Variants in FAT3 observed in about 807,000 individuals in gnomAD.
FAT3 encodes the protein protocadherin Fat 3.
FAT3 carries 95 observed loss-of-function variants against 310.2 expected under a neutral mutation model. The observed-to-expected ratio is 0.31, with a 90% CI of 0.26 to 0.36. The LOEUF (loss-of-function observed/expected upper bound fraction) is 0.36. FAT3 is among the 10% of genes least tolerant of loss of function. FAT3 has a pLI of 1.00. For synonymous variants in FAT3, 2,314 were observed against 2,192.9 expected (o/e 1.06, Z -1.54); for missense variants, 5,408 against 5,715.6 (o/e 0.95, Z 1.74).
At chr11:92,291,276 T>G (rs1946686996) in intron 1 of FAT3, among the ~76,000 whole-genome samples, 1 of 152,040 alleles carries the variant, frequency 6.6e-6, no homozygotes, top group African/African-American at 2.4e-5. Context: ...GTTGGAGGGG[T>G]TGATGCTTTA....
chr11:92,750,510 A>G (rs1365699274), intron 4 of FAT3, among the ~76,000 whole-genome samples: 1 of 152,236 alleles, frequency 6.6e-6, no homozygotes, highest in Non-Finnish European at 1.5e-5. Context: ...CTTTATAGAC[A>G]GAAAATGGCT....
At position 92,571,146 on chromosome 11, in the gene FAT3, C is replaced by A. The variant is rs1356145757; in HGVS notation, c.3607+46198C>A. On this transcript the variant is annotated intron_variant, in intron 3 of 27. Coordinates refer to ENST00000525166, the MANE Select transcript of FAT3 (RefSeq NM_001367949.2). ...TAGAAATATGATCATTTTAGAGATC[C>A]TAAAGAGAGCCTAAATATGAAGAAT... 2.0e-5 allele frequency among the ~76,000 whole-genome samples: 3 copies of A among 151,980 alleles called. No individual in the cohort carries two copies. In the East Asian group the frequency reaches 5.8e-4, roughly 29 times the overall value.
At chr11:92,524,998 A>C (rs747787908) in intron 3 of FAT3, 50 bp downstream of exon 3, 2 of 1,426,700 alleles carry the variant, frequency 1.4e-6, no homozygotes, top group Non-Finnish European at 2.0e-6. Flanking sequence ...CCAGCCTTTA[A>C]ATTCATCAGC....
At chr11:92,680,459 T>C (rs1356381375) in intron 3 of FAT3, among the ~76,000 whole-genome samples, 1 of 152,264 alleles carries the variant, frequency 6.6e-6, no homozygotes, top group Non-Finnish European at 1.5e-5. Context: ...TCTGGTCCAT[T>C]GATCTATGTG....
intron 1 of FAT3, among the ~76,000 whole-genome samples, chr11:92,241,299 C>A (rs2134252761): frequency 6.6e-6 from 1 of 152,198 alleles, no homozygotes; most frequent in East Asian, 1.9e-4. Flanking sequence ...GATCTCCTTG[C>A]AACTCTCTTT....
chr11:92,670,431 G>C (rs113992497), intron 3 of FAT3, among the ~76,000 whole-genome samples: 2 of 152,078 alleles, frequency 1.3e-5, no homozygotes, highest in African/African-American at 4.8e-5. Context: ...CTGCAACTGC[G>C]TTACATGTTT....
Position 92,880,677 on chromosome 11 carries a change from G to A in FAT3, c.12128-54G>A, listed in dbSNP as rs1949653049. 1.9e-6 allele frequency: 3 copies of A among 1,567,622 alleles called. No individual in the cohort carries two copies. The African/African-American group carries it at 4.1e-5, about 21-fold the overall frequency. On this transcript the variant is annotated intron_variant, in intron 22 of 27. Transcript: ENST00000525166. ...GAGGACATGTTATAGCTGAGTCCAA[G>A]CACTCAGCCCTAGCAGTGGCATCCA...
At position 92,810,038 on chromosome 11, in the gene FAT3, C is replaced by T; in HGVS notation, c.9443C>T (p.Ala3148Val). 2 of 1,613,950 alleles carry T rather than the reference C, an allele frequency of 1.2e-6. No individual in the cohort carries two copies. Among genetic ancestry groups the T allele is most frequent in the East Asian group, 2.2e-5 (1 of 44,872 alleles). The change falls in exon 13 of 28, where the codon GCT (alanine) becomes GTT (valine). Residue 3148 changes from alanine (A) to valine (V), a missense_variant. Around this residue, in one of 5 missense-constraint regions of FAT3, gnomAD observed 4,588 missense variants for 4,809.8 expected, o/e 0.95. Coordinates refer to ENST00000525166, the MANE Select transcript of FAT3 (RefSeq NM_001367949.2). The stretch of plus-strand genomic sequence containing the variant: ...GTCTATGAGAACACAGCCACCAAGG[C>T]TCTGTTGACCAGAGTTCAAGCCGTG... ...TCVYENTATKALLTRVQAVDP... is the reference protein window; with the variant it reads ...TCVYENTATKVLLTRVQAVDP...
chr11:92,422,582 G>A (rs1416891287), intron 2 of FAT3, among the ~76,000 whole-genome samples: 1 of 152,162 alleles, frequency 6.6e-6, no homozygotes, highest in African/African-American at 2.4e-5. Context: ...ACAGGAGAGA[G>A]TTCTTTCAAA....
intron 1 of FAT3, among the ~76,000 whole-genome samples, chr11:92,286,094 G>A (rs1008952329): frequency 3.9e-5 from 6 of 152,092 alleles, no homozygotes; most frequent in African/African-American, 1.4e-4. Flanking sequence ...TCCCTTTTCT[G>A]TTGACCTGAA....
chr11:92,603,348 C>A (rs1405532423), intron 3 of FAT3, among the ~76,000 whole-genome samples: 1 of 152,192 alleles, frequency 6.6e-6, no homozygotes, highest in Admixed American at 6.5e-5. Flanking sequence ...AAAGCCTTAA[C>A]TCACCAAAGC....
chr11:92,718,363 T>C (rs1196464463), intron 4 of FAT3, among the ~76,000 whole-genome samples: 1 of 152,102 alleles, frequency 6.6e-6, no homozygotes, highest in East Asian at 1.9e-4. Flanking sequence ...CTTGGGGTTA[T>C]ATGGTGGGTG....
At chr11:92,776,969 ATGCTTCTC>A (rs1282303854) in intron 7 of FAT3, among the ~76,000 whole-genome samples, 1 of 152,134 alleles carries the variant, frequency 6.6e-6, no homozygotes, top group Non-Finnish European at 1.5e-5. Context: ...GGTGGCAGGA[ATGCTTCTC>A]TGAATTAGTC....
intron 2 of FAT3, among the ~76,000 whole-genome samples, chr11:92,500,555 A>C (rs953827030): frequency 4.6e-5 from 7 of 152,050 alleles, no homozygotes; most frequent in Non-Finnish European, 8.8e-5. Flanking sequence ...ATATATTTCT[A>C]TCTCTCTCCC....
chr11:92,638,105 C>T (rs950563014), intron 3 of FAT3, among the ~76,000 whole-genome samples: 1 of 152,132 alleles, frequency 6.6e-6, no homozygotes, highest in Non-Finnish European at 1.5e-5. Flanking sequence ...ATTGACTTTA[C>T]CTTCAATAAA....
At chr11:92,659,105 A>G (rs1215556983) in intron 3 of FAT3, among the ~76,000 whole-genome samples, 1 of 152,168 alleles carries the variant, frequency 6.6e-6, no homozygotes, top group East Asian at 1.9e-4. Context: ...GAGAAAAGAA[A>G]AGAAAATGTG....
intron 4 of FAT3, among the ~76,000 whole-genome samples, chr11:92,698,799 T>C (rs1944014030): frequency 6.6e-6 from 1 of 152,198 alleles, no homozygotes; most frequent in Non-Finnish European, 1.5e-5. Flanking sequence ...ATTATATTCA[T>C]GGGCTTCTTT....
chr11:92,352,866 C>T lies in FAT3; in HGVS notation c.754C>T (p.Leu252Phe), dbSNP rs764698202. ...CAATGGAGTGAGCAGTACTGCAAAG[C>T]TTTATGTTCACATTGAGCGCATAAA... ...GNNGVSSTAK[L>F]YVHIERINEH... The change falls in exon 2 of 28, where the codon CTT (leucine) becomes TTT (phenylalanine). Residue 252 changes from leucine (L) to phenylalanine (F), a missense_variant. Leu to Phe is a conservative substitution (Grantham distance 22). Around this residue, in one of 5 missense-constraint regions of FAT3, gnomAD observed 4,588 missense variants for 4,809.8 expected, o/e 0.95. Transcript: ENST00000525166. The T allele has an allele frequency of 6.2e-7, 1 of 1,613,822 alleles. No individual in the cohort carries two copies. Among genetic ancestry groups the T allele is most frequent in the Non-Finnish European group, 8.5e-7 (1 of 1,179,872 alleles).
intron 1 of FAT3, among the ~76,000 whole-genome samples, chr11:92,306,245 G>A (rs770402059): frequency 1.3e-5 from 2 of 151,432 alleles, no homozygotes; most frequent in Non-Finnish European, 2.9e-5. Context: ...TAGACTAAAT[G>A]TTTTTAGCTT....
Sources: gnomAD v4.1 joint callset for allele counts (sites outside exome capture counted in the v4.1 genomes callset) on GRCh38, gnomAD v4.1.1 for gene constraint, gnomAD v4.1.1 regional missense constraint, MANE v1.5 for transcripts, NCBI Gene and HGNC (gene_info 2026-07-23, HGNC 2026-07-21) for gene names.